The following ADARB2 variants were observed in gnomAD, a reference collection of about 807,000 sequenced individuals.
The protein encoded by ADARB2 is adenosine deaminase RNA specific B2 (inactive).
In ADARB2, 25 loss-of-function variants were observed where a neutral mutation model predicts 62.2. That is an observed-to-expected ratio of 0.40 (90% CI 0.29 to 0.56). ADARB2 has a LOEUF of 0.56. ADARB2 is among the 20% of genes least tolerant of loss of function. ADARB2 has a pLI of 0.43. For synonymous variants in ADARB2, 572 were observed against 500.8 expected (o/e 1.14, Z -1.90); for missense variants, 1,071 against 1,077.4 (o/e 0.99, Z 0.08).
chr10:1,603,065 C>A lies in ADARB2; in HGVS notation c.100+133986G>T, dbSNP rs557816436. 2.3e-3 allele frequency among the ~76,000 whole-genome samples: 345 copies of A among 150,048 alleles called. 1 individual carries two copies. Among genetic ancestry groups the A allele is most frequent in the Non-Finnish European group, 4.3e-3 (285 of 67,052 alleles). ...ACACGCACACACACCTATACATACA[C>A]ACAACACAGACACCTGTACACACAT... On this transcript the variant is annotated intron_variant, in intron 1 of 9. Coordinates refer to ENST00000381312, the MANE Select transcript of ADARB2 (RefSeq NM_018702.4).
At chr10:1,210,153 GA>G (rs1385892260) in intron 7 of ADARB2, among the ~76,000 whole-genome samples, 1 of 152,134 alleles carries the variant, frequency 6.6e-6, no homozygotes, top group African/African-American at 2.4e-5. Flanking sequence ...TGGATCTTTT[GA>G]TACAAAAGAT....
chr10:1,306,536 C>G (rs1831631352), intron 3 of ADARB2, among the ~76,000 whole-genome samples: 1 of 151,860 alleles, frequency 6.6e-6, no homozygotes, highest in African/African-American at 2.4e-5. Flanking sequence ...CAATGCCTGT[C>G]TTCACAGAAT....
chr10:1,326,756 GGCGCCTCTGGTA>G (rs1831851534), intron 3 of ADARB2, among the ~76,000 whole-genome samples: 3 of 115,558 alleles, frequency 2.6e-5, no homozygotes, highest in Non-Finnish European at 5.6e-5. Flanking sequence ...CCGACGGCAC[GGCGCCTCTGGTA>G]GCACAGCCCC....
intron 1 of ADARB2, among the ~76,000 whole-genome samples, chr10:1,523,552 G>A (rs923141498): frequency 6.6e-6 from 1 of 152,170 alleles, no homozygotes; most frequent in Non-Finnish European, 1.5e-5. Context: ...TCTATCACGA[G>A]TTTCTGCATT....
intron 3 of ADARB2, among the ~76,000 whole-genome samples, chr10:1,315,985 A>G (rs533291941): frequency 3.9e-5 from 6 of 152,204 alleles, no homozygotes; most frequent in African/African-American, 1.4e-4. Flanking sequence ...TAAGGGTATA[A>G]TTACCATTTT....
At chr10:1,679,234 G>C (rs1771800921) in intron 1 of ADARB2, among the ~76,000 whole-genome samples, 1 of 152,052 alleles carries the variant, frequency 6.6e-6, no homozygotes, top group South Asian at 2.1e-4. Flanking sequence ...CCAGCAGCTG[G>C]GGACTATCCT....
In ADARB2 at chr10:1,601,578, A is replaced by T. The variant is rs141604113; in HGVS notation, c.100+135473T>A. Among the ~76,000 whole-genome samples the T allele has an allele frequency of 1.2e-3, 181 of 152,340 alleles. 1 individual carries two copies. The highest frequency in any genetic ancestry group is 3.8e-3 in the African/African-American group (157 of 41,586). ...AAAGGCTCATGTCTGTTCCTTTTGC[A>T]TGAAACTTGGCATGCTGTACACACG... On this transcript the variant is annotated intron_variant, in intron 1 of 9. Coordinates refer to ENST00000381312, the MANE Select transcript of ADARB2 (RefSeq NM_018702.4).
chr10:1,213,436 C>T (rs1004461944), intron 7 of ADARB2, among the ~76,000 whole-genome samples: 4 of 152,138 alleles, frequency 2.6e-5, no homozygotes, highest in Non-Finnish European at 5.9e-5. Context: ...GGTGGCTGGG[C>T]TTCGAGGGGC....
intron 1 of ADARB2, among the ~76,000 whole-genome samples, chr10:1,684,011 C>T (rs1834571656): frequency 6.6e-6 from 1 of 152,188 alleles, no homozygotes; most frequent in African/African-American, 2.4e-5. Flanking sequence ...AGTGTGGATG[C>T]CTGTGCGCTG....
intron 1 of ADARB2, among the ~76,000 whole-genome samples, chr10:1,504,135 C>A (rs1442748373): frequency 2.0e-5 from 3 of 152,154 alleles, no homozygotes; most frequent in Non-Finnish European, 4.4e-5. Context: ...ACTTGGATTC[C>A]GTTGCTTAAA....
intron 3 of ADARB2, among the ~76,000 whole-genome samples, chr10:1,306,508 C>A (rs1055485013): frequency 4.5e-4 from 68 of 151,974 alleles, no homozygotes; most frequent in African/African-American, 1.6e-3. Flanking sequence ...AGATTCAATG[C>A]CATCCCCATC....
intron 1 of ADARB2, among the ~76,000 whole-genome samples, chr10:1,417,133 T>C (rs73578658): frequency 0.04 from 5,490 of 136,686 alleles, 341 homozygotes; most frequent in African/African-American, 0.14. Context: ...TCAGATGGTG[T>C]GGAAGTATAG....
At chr10:1,589,342 G>A (rs926966701) in intron 1 of ADARB2, among the ~76,000 whole-genome samples, 2 of 152,156 alleles carry the variant, frequency 1.3e-5, no homozygotes, top group Admixed American at 6.5e-5. Flanking sequence ...GGGCATCCAC[G>A]ATCAGGGCAT....
intron 3 of ADARB2, among the ~76,000 whole-genome samples, chr10:1,337,166 T>C (rs1831982644): frequency 6.6e-6 from 1 of 151,892 alleles, no homozygotes; most frequent in African/African-American, 2.4e-5. Flanking sequence ...GTGGTCCAGA[T>C]AGTGCATGTT....
chr10:1,522,035 T>C (rs1363710755), intron 1 of ADARB2, among the ~76,000 whole-genome samples: 5 of 152,172 alleles, frequency 3.3e-5, no homozygotes, highest in Non-Finnish European at 7.3e-5. Context: ...CATTGACACT[T>C]AGTTAAACAT....
rs1346156480 is a variant in ADARB2 at position 1,737,139 on chromosome 10, G to A, written c.12C>T (p.Val4=). The change falls in exon 1 of 10, where the codon GTC becomes GTT. Residue 4 remains valine (V), a synonymous_variant. Transcript: ENST00000381312. ...CTCCAGACCCTCTGCCGCTCCCCAG[G>A]ACCGAGGCCATGGCCGAGACCCAGG... MAS[V]LGSGRGSGGL... is the part of the protein sequence containing the mutation. 1 of 1,608,346 alleles carries A rather than the reference G, an allele frequency of 6.2e-7. No homozygotes were observed. Among genetic ancestry groups the A allele is most frequent in the Non-Finnish European group, 8.5e-7 (1 of 1,179,866 alleles).
intron 6 of ADARB2, among the ~76,000 whole-genome samples, chr10:1,226,531 C>T (rs1009435041): frequency 6.6e-6 from 1 of 152,190 alleles, no homozygotes; most frequent in African/African-American, 2.4e-5. Context: ...TCTTCCCCAT[C>T]TTTGTACTTT....
Position 1,704,819 on chromosome 10 carries a change from T to C in ADARB2, c.100+32232A>G, listed in dbSNP as rs1834867959. 4.6e-5 allele frequency among the ~76,000 whole-genome samples: 7 copies of C among 152,150 alleles called. No homozygotes were observed. The highest frequency in any genetic ancestry group is 6.5e-5 in the Admixed American group (1 of 15,280). ...AAGATGTTAAAGGGGCAGGGAGTAT[T>C]GAGAACGGTGAGCTTGCATATGCCA... On this transcript the variant is annotated intron_variant, in intron 1 of 9. Coordinates refer to ENST00000381312, the MANE Select transcript of ADARB2 (RefSeq NM_018702.4). The surrounding 1 kb of genome is among the most constrained non-coding windows in gnomAD (Gnocchi z 5.6).
chr10:1,257,707 C>T (rs1831092528), intron 4 of ADARB2, among the ~76,000 whole-genome samples: 1 of 152,182 alleles, frequency 6.6e-6, no homozygotes, highest in Admixed American at 6.5e-5. Context: ...GGCAGGAAGC[C>T]AGGAGACCCT....
Sources: allele counts gnomAD v4.1 joint callset (sites outside exome capture counted in the v4.1 genomes callset), GRCh38; gene constraint gnomAD v4.1.1; non-coding constraint Gnocchi (gnomAD v3.1); transcripts MANE v1.5; gene names NCBI Gene and HGNC (gene_info 2026-07-23, HGNC 2026-07-21).